The following AQP11 variants were observed in gnomAD, a reference collection of about 807,000 sequenced individuals.
The protein encoded by AQP11 is aquaporin 11, also known as aquaporin-11.
Under a neutral mutation model 21.1 loss-of-function variants are expected in AQP11, and 20 were observed. That is an observed-to-expected ratio of 0.95 (90% CI 0.67 to 1.38). The LOEUF (loss-of-function observed/expected upper bound fraction) is 1.38. Ranked by LOEUF, AQP11 falls within the 40% of genes most tolerant of loss-of-function variation. AQP11 has a pLI of 0.00. For missense variants in AQP11, 339 were observed against 340.4 expected, an observed-to-expected ratio of 1.00 and a Z score of 0.03; for synonymous variants, 167 against 150.1, an observed-to-expected ratio of 1.11 and a Z score of -0.82.
Position 77,590,135 on chromosome 11 carries a change from T to C in AQP11, c.143T>C (p.Val48Ala), listed in dbSNP as rs1172178766. The part of the protein sequence containing the change: ...QLHRPVAHAF[V>A]LEFLATFQLC... ...CACAGGCCGGTGGCCCACGCCTTCG[T>C]CCTGGAGTTTCTAGCCACCTTCCAG... The change falls in exon 1 of 3, where the codon GTC becomes GCC. Residue 48 changes from valine (V) to alanine (A), a missense_variant. Val to Ala is a moderately conservative substitution (Grantham distance 64, BLOSUM62 0). Transcript: ENST00000313578. 1 of 1,608,442 alleles carries C rather than the reference T, an allele frequency of 6.2e-7. No individual in the cohort carries two copies. The highest frequency in any genetic ancestry group is 2.2e-5 in the East Asian group (1 of 44,852).
chr11:77,600,500 G>A (rs1227949766), intron 1 of AQP11, among the ~76,000 whole-genome samples: 1 of 152,152 alleles, frequency 6.6e-6, no homozygotes, highest in Non-Finnish European at 1.5e-5. Context: ...CACAGTCACA[G>A]GTCATTTATG....
chr11:77,607,297 ATCAT>A, intron 2 of AQP11, among the ~76,000 whole-genome samples: 1 of 152,328 alleles, frequency 6.6e-6, no homozygotes. Context: ...AATTAAAAGA[ATCAT>A]TCAAAGAGTT....
Position 77,596,451 on chromosome 11 carries a change from A to T in AQP11, c.619+5840A>T, listed in dbSNP as rs1224526579. ...GCGAGACTATGTCTCAATTAAAAAA[A>T]AAAAATATATATATATATGTAAATA... On this transcript the variant is annotated intron_variant, in intron 1 of 2. Coordinates refer to ENST00000313578, the MANE Select transcript of AQP11 (RefSeq NM_173039.3). 5.2e-3 allele frequency among the ~76,000 whole-genome samples: 603 copies of T among 116,870 alleles called. 8 individuals are homozygous for T. The highest frequency in any genetic ancestry group is 0.02 in the African/African-American group (549 of 26,900). 76.7% of individuals were successfully genotyped at this position (116,870 alleles called of 152,430 possible).
At chr11:77,600,184 G>A (rs940595701) in intron 1 of AQP11, among the ~76,000 whole-genome samples, 5 of 151,044 alleles carry the variant, frequency 3.3e-5, no homozygotes, top group African/African-American at 1.2e-4. Context: ...GCCCAGGCTG[G>A]TTGCGAACTC....
At chr11:77,609,186 C>T in intron 2 of AQP11, 112 bp from the exon 3 acceptor site, 1 of 648,468 alleles carries the variant, frequency 1.5e-6, no homozygotes, top group Non-Finnish European at 2.5e-6. Flanking sequence ...ATTCTTTAAG[C>T]ATGGCTTTCC....
intron 1 of AQP11, among the ~76,000 whole-genome samples, chr11:77,592,835 C>G (rs1005584961): frequency 1.4e-5 from 2 of 147,658 alleles, no homozygotes; most frequent in Admixed American, 1.4e-4. Context: ...AGCAGTGTTT[C>G]TCTCTGTATT....
chr11:77,594,751 T>C (rs1410034979), intron 1 of AQP11, among the ~76,000 whole-genome samples: 1 of 152,180 alleles, frequency 6.6e-6, no homozygotes, highest in Non-Finnish European at 1.5e-5. Flanking sequence ...TCCAGCAACA[T>C]AGCCACAGGC....
intron 1 of AQP11, among the ~76,000 whole-genome samples, chr11:77,593,257 G>A (rs1958759161): frequency 6.6e-6 from 1 of 152,148 alleles, no homozygotes; most frequent in African/African-American, 2.4e-5. Flanking sequence ...GCCAATATAA[G>A]GGAGATAAGA....
Position 77,590,613 on chromosome 11 carries a change from T to G in AQP11, c.619+2T>G. ...TCATCACCTTTTTGGTCTATGCAGG[T>G]TTGTCATTCTCACCAAATACTTGGC... is the stretch of plus-strand genomic sequence containing the variant. On this transcript the variant is annotated splice_donor_variant, in intron 1 of 2. Coordinates refer to ENST00000313578, the MANE Select transcript of AQP11 (RefSeq NM_173039.3). LOFTEE classifies it high-confidence loss of function. The G allele has an allele frequency of 1.2e-6, 2 of 1,609,288 alleles. No homozygotes were observed. Among genetic ancestry groups the G allele is most frequent in the Non-Finnish European group, 1.7e-6 (2 of 1,177,402 alleles).
At position 77,609,423 on chromosome 11, in the gene AQP11, G is replaced by A; in HGVS notation, c.*46G>A. 2.0e-6 allele frequency: 3 copies of A among 1,470,172 alleles called. No individual in the cohort carries two copies. The highest frequency in any genetic ancestry group is 1.3e-5 in the South Asian group (1 of 79,446). The allele number at this position is 1,470,172 out of a possible 1,614,324, so 91.1% of individuals were successfully genotyped here. A position where few individuals can be genotyped will look rare whatever the true frequency, so the allele number is the denominator to read the frequency against. ...AACATACAGGACAGTCCAGCTGGAT[G>A]TGATAAAGATTTTATCACCTCATAT... On this transcript the variant is annotated 3_prime_UTR_variant, in exon 3 of 3. Transcript: ENST00000313578.
intron 1 of AQP11, among the ~76,000 whole-genome samples, chr11:77,599,626 ACT>A (rs1958803728): frequency 6.6e-6 from 1 of 150,998 alleles, no homozygotes; most frequent in Non-Finnish European, 1.5e-5. Flanking sequence ...ACAGGGCTTC[ACT>A]CTGTCACCCA....
chr11:77,603,380 A>T (rs1263512916), intron 1 of AQP11, among the ~76,000 whole-genome samples, 176 bp from the exon 2 acceptor site: 1 of 152,174 alleles, frequency 6.6e-6, no homozygotes, highest in Admixed American at 6.5e-5. Context: ...TTTTTATAGT[A>T]AGTGGCATAT....
intron 2 of AQP11, among the ~76,000 whole-genome samples, chr11:77,605,416 G>A (rs1197111564): frequency 6.6e-6 from 1 of 152,092 alleles, no homozygotes; most frequent in East Asian, 1.9e-4. Context: ...CAAACCCCAG[G>A]CTGCAGACCA....
chr11:77,600,304 G>A (rs1958808360), intron 1 of AQP11, among the ~76,000 whole-genome samples: 1 of 152,044 alleles, frequency 6.6e-6, no homozygotes, highest in Non-Finnish European at 1.5e-5. Context: ...TATTGTATAT[G>A]CGTATACTTG....
intron 1 of AQP11, among the ~76,000 whole-genome samples, chr11:77,600,765 C>A (rs939450121): frequency 4.6e-5 from 7 of 152,210 alleles, no homozygotes; most frequent in Admixed American, 1.3e-4. Context: ...GTAATCCCAG[C>A]ACTTTGGGAG....
Position 77,590,530 on chromosome 11 carries a change from G to T in AQP11, c.538G>T (p.Ala180Ser). 1.2e-6 allele frequency: 2 copies of T among 1,614,154 alleles called. No individual in the cohort carries two copies. The highest frequency in any genetic ancestry group is 1.7e-6 in the Non-Finnish European group (2 of 1,180,038). The change falls in exon 1 of 3, where the codon GCT becomes TCT. Residue 180 changes from alanine to serine, a missense_variant. Transcript: ENST00000313578. ...CGTCTGCTCCTTTCTCTTCCACAGC[G>T]CTCTGCTGCACTTCCAGGAAGTCCG... ...EAVCSFLFHSALLHFQEVRTK... is the reference protein window; with the variant it reads ...EAVCSFLFHSSLLHFQEVRTK...
In AQP11 at chr11:77,609,600, TAAATGCTGCTAG is replaced by T. The variant is rs1329801660; in HGVS notation, c.*227_*238del. 2.7e-6 allele frequency: 1 copy of T among 370,372 alleles called. No homozygotes were observed. Among genetic ancestry groups the T allele is most frequent in the Non-Finnish European group, 4.8e-6 (1 of 207,410 alleles). 22.9% of individuals were successfully genotyped at this position (370,372 alleles called of 1,614,324 possible). A position where few individuals can be genotyped will look rare whatever the true frequency, so the allele number is the denominator to read the frequency against. On this transcript the variant is annotated 3_prime_UTR_variant, in exon 3 of 3. Coordinates refer to ENST00000313578, the MANE Select transcript of AQP11 (RefSeq NM_173039.3). ...AAGACTTGTTCTTTGAGTGATGTAT[TAAATGCTGCTAG>T]AAAAGCCTCATTACATTAAATATAA...
At chr11:77,596,775 G>C (rs912119575) in intron 1 of AQP11, among the ~76,000 whole-genome samples, 4 of 151,130 alleles carry the variant, frequency 2.6e-5, no homozygotes, top group Non-Finnish European at 5.9e-5. Context: ...CAGTAAGACT[G>C]CTTGAGCCCT....
At chr11:77,605,043 A>C (rs947147755) in intron 2 of AQP11, among the ~76,000 whole-genome samples, 1 of 152,110 alleles carries the variant, frequency 6.6e-6, no homozygotes, top group East Asian at 1.9e-4. Context: ...AATACAAAAA[A>C]TTAGCTGGTC....
Sources: gnomAD v4.1 joint callset for allele counts (sites outside exome capture counted in the v4.1 genomes callset) on GRCh38, gnomAD v4.1.1 for gene constraint, MANE v1.5 for transcripts, NCBI Gene and HGNC (gene_info 2026-07-23, HGNC 2026-07-21) for gene names.